The following SRRM4 variants were observed in gnomAD, a reference collection of about 807,000 sequenced individuals.
SRRM4 encodes the protein serine/arginine repetitive matrix protein 4.
SRRM4 carries 33 observed loss-of-function variants against 68.9 expected under a neutral mutation model. The observed-to-expected ratio is 0.48, with a 90% CI of 0.36 to 0.64. SRRM4 has a LOEUF of 0.64. Among genes scored for constraint, SRRM4 ranks in the 30% least tolerant of loss-of-function variants. SRRM4 has a pLI of 0.00. For synonymous variants in SRRM4, 318 were observed against 318.8 expected, an observed-to-expected ratio of 1.00 and a Z score of 0.03; for missense variants, 817 against 827.1, an observed-to-expected ratio of 0.99 and a Z score of 0.15.
At chr12:118,987,897 A>G (rs1456880451) in intron 1 of SRRM4, among the ~76,000 whole-genome samples, 1 of 152,224 alleles carries the variant, frequency 6.6e-6, no homozygotes, top group African/African-American at 2.4e-5. Flanking sequence ...TTTAATTTTT[A>G]AAATTTGTTT....
At chr12:119,138,594 T>A (rs1248312915) in intron 8 of SRRM4, among the ~76,000 whole-genome samples, 1 of 152,182 alleles carries the variant, frequency 6.6e-6, no homozygotes, top group Non-Finnish European at 1.5e-5. Context: ...TCTACACTGG[T>A]TCCCAGGGTG....
intron 1 of SRRM4, among the ~76,000 whole-genome samples, chr12:119,062,520 CA>C (rs573746194): frequency 6.8e-4 from 102 of 150,944 alleles, no homozygotes; most frequent in African/African-American, 2.0e-3. Context: ...TGCAGCTGTA[CA>C]AAAAAAAATC....
intron 1 of SRRM4, among the ~76,000 whole-genome samples, chr12:119,095,617 C>T (rs985811596): frequency 6.6e-6 from 1 of 152,012 alleles, no homozygotes; most frequent in Non-Finnish European, 1.5e-5. Context: ...TAAATGTCAG[C>T]GATGTCTCCA....
At chr12:119,002,096 G>T (rs1348221703) in intron 1 of SRRM4, among the ~76,000 whole-genome samples, 1 of 151,820 alleles carries the variant, frequency 6.6e-6, no homozygotes, top group Non-Finnish European at 1.5e-5. Context: ...AGACCACACT[G>T]CCTATGTGAA....
In SRRM4 at chr12:119,037,744, T is replaced by A. The variant is rs115589081; in HGVS notation, c.131+55731T>A. On this transcript the variant is annotated intron_variant, in intron 1 of 12. Coordinates refer to ENST00000267260, the MANE Select transcript of SRRM4 (RefSeq NM_194286.4). ...GCCGAAGAGAAGGGGAAGGAAGGCA[T>A]GGAAATGTATTTGGGCTGCTTCTAA... 3.7e-3 allele frequency among the ~76,000 whole-genome samples: 563 copies of A among 152,250 alleles called. 11 individuals carry two copies. Among genetic ancestry groups the A allele is most frequent in the African/African-American group, 0.013 (525 of 41,542 alleles).
intron 1 of SRRM4, among the ~76,000 whole-genome samples, chr12:119,028,063 G>C (rs1245978599): frequency 6.6e-6 from 1 of 152,234 alleles, no homozygotes; most frequent in African/African-American, 2.4e-5. Context: ...CACCTGGAAG[G>C]CTTGTTAAAG....
intron 1 of SRRM4, among the ~76,000 whole-genome samples, chr12:119,100,465 G>A (rs1954071956): frequency 6.6e-6 from 1 of 151,738 alleles, no homozygotes; most frequent in Non-Finnish European, 1.5e-5. Flanking sequence ...ACTCCATCCT[G>A]GACAACACAG....
At chr12:119,155,555 A>T (rs1054214702) in intron 12 of SRRM4, among the ~76,000 whole-genome samples, 5 of 152,188 alleles carry the variant, frequency 3.3e-5, no homozygotes, top group Non-Finnish European at 2.9e-5. Flanking sequence ...CAATATGACA[A>T]GACCCTGTCT....
chr12:119,040,112 G>A (rs996166992), intron 1 of SRRM4, among the ~76,000 whole-genome samples: 2 of 151,748 alleles, frequency 1.3e-5, no homozygotes, highest in Admixed American at 1.3e-4. Context: ...ATGTATGTGA[G>A]GAAAGGAGAA....
At chr12:119,087,867 C>A (rs1231273693) in intron 1 of SRRM4, among the ~76,000 whole-genome samples, 2 of 152,158 alleles carry the variant, frequency 1.3e-5, no homozygotes, top group African/African-American at 4.8e-5. Flanking sequence ...CTCACTTGCT[C>A]ACTGCGTGTC....
chr12:118,993,660 A>T (rs1327932400), intron 1 of SRRM4, among the ~76,000 whole-genome samples: 2 of 152,154 alleles, frequency 1.3e-5, no homozygotes, highest in African/African-American at 4.8e-5. Context: ...CACCTTGACA[A>T]CCAGAAGAAG....
intron 1 of SRRM4, among the ~76,000 whole-genome samples, chr12:118,983,028 C>G (rs1363004048): frequency 6.6e-6 from 1 of 152,044 alleles, no homozygotes; most frequent in Non-Finnish European, 1.5e-5. Context: ...AGAAGTGGAC[C>G]AGGGGGACCA....
chr12:118,988,685 T>C (rs1169204957), intron 1 of SRRM4, among the ~76,000 whole-genome samples: 1 of 152,226 alleles, frequency 6.6e-6, no homozygotes, highest in African/African-American at 2.4e-5. Context: ...TCATTCAACA[T>C]TTTTATTGAA....
At chr12:119,031,049 A>G (rs979042692) in intron 1 of SRRM4, 5 of 152,232 alleles carry the variant, frequency 3.3e-5, no homozygotes, top group African/African-American at 1.2e-4. Flanking sequence ...TTAGCAGTTT[A>G]AACAACACAC....
At chr12:119,031,790 C>T (rs1953593507) in intron 1 of SRRM4, among the ~76,000 whole-genome samples, 1 of 150,900 alleles carries the variant, frequency 6.6e-6, no homozygotes, top group African/African-American at 2.4e-5. Context: ...TAATTTTTGC[C>T]CATTAAAAAA....
intron 1 of SRRM4, among the ~76,000 whole-genome samples, chr12:119,088,404 A>C (rs1162741282): frequency 6.6e-6 from 1 of 152,210 alleles, no homozygotes; most frequent in East Asian, 1.9e-4. Context: ...CTCACCAAGC[A>C]GAAATTATTT....
rs114772341 is a variant in SRRM4, at chr12:119,141,056, C to T, written c.772-4325C>T. ...TCCCAGGTTCAAGAAACTCTCCCAC[C>T]TCAGCCTCCCAACTAGCTAGGACTA... On this transcript the variant is annotated intron_variant, in intron 8 of 12. Transcript: ENST00000267260. 9.2e-3 allele frequency among the ~76,000 whole-genome samples: 1,404 copies of T among 152,282 alleles called. 24 individuals are homozygous for T. Among genetic ancestry groups the T allele is most frequent in the African/African-American group, 0.032 (1,328 of 41,554 alleles).
chr12:119,032,673 TTTC>T (rs1483854604), intron 1 of SRRM4, among the ~76,000 whole-genome samples: 2 of 152,202 alleles, frequency 1.3e-5, no homozygotes, highest in African/African-American at 4.8e-5. Context: ...TTTGGGAAGC[TTTC>T]TCCCTTCTCT....
chr12:119,068,885 G>A (rs1048260235), intron 1 of SRRM4, among the ~76,000 whole-genome samples: 1 of 152,076 alleles, frequency 6.6e-6, no homozygotes, highest in East Asian at 1.9e-4. Context: ...TACATGAGGC[G>A]TCGGGAGGGG....
Sources: gnomAD v4.1 joint callset for allele counts (sites outside exome capture counted in the v4.1 genomes callset) on GRCh38, gnomAD v4.1.1 for gene constraint, MANE v1.5 for transcripts, NCBI Gene and HGNC (gene_info 2026-07-23, HGNC 2026-07-21) for gene names.